The following COG7 variants were observed in gnomAD, a reference collection of about 807,000 sequenced individuals.
COG7 encodes conserved oligomeric Golgi complex subunit 7.
Under a neutral mutation model 91.5 loss-of-function variants are expected in COG7, and 49 were observed. The ratio of observed to expected loss-of-function variants is 0.54; its 90% CI spans 0.43 to 0.68. The LOEUF (loss-of-function observed/expected upper bound fraction) is 0.68. Among genes scored for constraint, COG7 ranks in the 30% least tolerant of loss-of-function variants. The pLI is 0.00. For synonymous variants in COG7, 365 were observed against 388.7 expected (o/e 0.94, Z 0.72); for missense variants, 895 against 961.3 (o/e 0.93, Z 0.91).
intron 4 of COG7, among the ~76,000 whole-genome samples, chr16:23,436,329 T>C (rs1475397533): frequency 6.6e-6 from 1 of 152,218 alleles, no homozygotes; most frequent in African/African-American, 2.4e-5. Flanking sequence ...TCATTGGTTA[T>C]ATAAAATGAA....
chr16:23,389,191 C>T (rs1963147390), intron 16 of COG7, 105 bp from the exon 17 acceptor site: 1 of 1,379,976 alleles, frequency 7.2e-7, no homozygotes, highest in Non-Finnish European at 1.0e-6. Context: ...AGCTGCCCTG[C>T]CAAGTCCCTA....
intron 1 of COG7, among the ~76,000 whole-genome samples, chr16:23,451,548 T>TA (rs377095036): frequency 3.3e-5 from 5 of 151,524 alleles, no homozygotes; most frequent in East Asian, 1.9e-4. Flanking sequence ...ACCTTGTCTC[T>TA]AAAAAAAAAT....
At chr16:23,430,539 C>T (rs1386524044) in intron 6 of COG7, among the ~76,000 whole-genome samples, 2 of 151,218 alleles carry the variant, frequency 1.3e-5, no homozygotes, top group African/African-American at 4.9e-5. Flanking sequence ...AAGTTTGCAA[C>T]TTACTCTGTT....
intron 14 of COG7, among the ~76,000 whole-genome samples, chr16:23,395,189 A>C (rs956862384): frequency 6.6e-6 from 1 of 152,206 alleles, no homozygotes; most frequent in Non-Finnish European, 1.5e-5. Flanking sequence ...TCTTTCACCC[A>C]AAGTAAGCAA....
In COG7 at chr16:23,452,926, G is replaced by C. The variant is rs369785066; in HGVS notation, c.69C>G (p.Ala23=). The change falls in exon 1 of 17, where the codon GCC becomes GCG. Residue 23 remains alanine, a synonymous_variant. Transcript: ENST00000307149. The stretch of plus-strand genomic sequence containing the variant: ...TCCCGGACGCCGCCTCCTTGGAGCC[G>C]GCCCTGAAGGCCGCATTGATCCACT... The part of the protein sequence containing the change: ...VKEWINAAFR[A]GSKEAASGKA... 19 of 1,614,082 alleles carry C rather than the reference G, an allele frequency of 1.2e-5. 1 individual carries two copies. In the South Asian group the frequency reaches 2.0e-4, roughly 17 times the overall value.
intron 3 of COG7, 23 bp downstream of exon 3, chr16:23,445,025 C>T (rs765911853): frequency 1.3e-6 from 2 of 1,531,268 alleles, no homozygotes; most frequent in East Asian, 4.5e-5. Flanking sequence ...CCTTTCATAA[C>T]ATCCCCTAAA....
intron 9 of COG7, chr16:23,414,705 C>T (rs527404311): frequency 6.6e-6 from 1 of 152,240 alleles, no homozygotes; most frequent in Non-Finnish European, 1.5e-5. Context: ...GTCTGTGCCT[C>T]ATACTTATAT....
At chr16:23,448,486 T>C (rs551702715) in intron 1 of COG7, among the ~76,000 whole-genome samples, 19 of 152,276 alleles carry the variant, frequency 1.2e-4, no homozygotes, top group Non-Finnish European at 2.1e-4. Context: ...TTTGTAGAGA[T>C]AGGGTCTTGC....
intron 14 of COG7, 109 bp from the exon 15 acceptor site, chr16:23,393,456 C>T (rs572813834): frequency 1.3e-4 from 101 of 779,360 alleles, no homozygotes; most frequent in African/African-American, 1.1e-3. Context: ...TGCTAGACCT[C>T]GGGTGATCCC....
chr16:23,442,333 CAA>C lies in COG7; in HGVS notation c.604+142_604+143del, dbSNP rs57747474. 47,387 of 530,464 alleles carry C rather than the reference CAA, an allele frequency of 0.089. 735 individuals are homozygous for C. Among genetic ancestry groups the C allele is most frequent in the African/African-American group, 0.23 (9,271 of 40,146 alleles). 32.9% of individuals were successfully genotyped at this position (530,464 alleles called of 1,614,324 possible). A position where few individuals can be genotyped will look rare whatever the true frequency, so the allele number is the denominator to read the frequency against. ...TCGGTGACAGAGAAAGACTCCGTCT[CAA>C]AAAAAAAAAAAAAAAAAATTACAGA... is the stretch of plus-strand genomic sequence containing the variant. On this transcript the variant is annotated intron_variant, in intron 4 of 16. Transcript: ENST00000307149.
intron 14 of COG7, among the ~76,000 whole-genome samples, chr16:23,397,550 T>C (rs1308366029): frequency 6.6e-6 from 1 of 152,226 alleles, no homozygotes; most frequent in Non-Finnish European, 1.5e-5. Context: ...TATTCTGTTC[T>C]CTTTTAATAT....
intron 14 of COG7, 113 bp downstream of exon 14, chr16:23,397,933 C>T (rs937739561): frequency 2.2e-6 from 2 of 906,842 alleles, no homozygotes; most frequent in African/African-American, 1.6e-5. Flanking sequence ...GCACAGGCTA[C>T]CCAAAAGGGT....
chr16:23,427,453 AAC>A (rs1963866704), intron 6 of COG7, among the ~76,000 whole-genome samples: 1 of 151,692 alleles, frequency 6.6e-6, no homozygotes, highest in Admixed American at 6.6e-5. Flanking sequence ...TAGCCTGGGC[AAC>A]AGAGAGAAAC....
At position 23,434,772 on chromosome 16, in the gene COG7, G is replaced by C. The variant is rs1963989096; in HGVS notation, c.605-54C>G. On this transcript the variant is annotated intron_variant, in intron 4 of 16. Transcript: ENST00000307149. ...TTACCAGCCTTTCTGGTGTAGACATGAGAAAAAACTCACCAGGATGAAGGT... is the reference window on the plus strand; with the variant it reads ...TTACCAGCCTTTCTGGTGTAGACATCAGAAAAAACTCACCAGGATGAAGGT... 5 of 1,248,312 alleles carry C rather than the reference G, an allele frequency of 4.0e-6. No individual in the cohort carries two copies. In the East Asian group the frequency reaches 1.2e-4, roughly 29 times the overall value. The allele number at this position is 1,248,312 out of a possible 1,614,324, so 77.3% of individuals were successfully genotyped here.
chr16:23,444,966 A>G, intron 3 of COG7, 82 bp downstream of exon 3: 1 of 1,037,050 alleles, frequency 9.6e-7, no homozygotes, highest in Non-Finnish European at 1.5e-6. Context: ...TTGGCTATCA[A>G]CTTTGTATCT....
At chr16:23,414,788 C>T (rs941818070) in intron 9 of COG7, 1 of 151,668 alleles carries the variant, frequency 6.6e-6, no homozygotes, top group African/African-American at 2.4e-5. Context: ...ACCTGTGCCT[C>T]ATACTTATAT....
chr16:23,433,523 T>G, intron 6 of COG7, 22 bp downstream of exon 6: 1 of 1,613,868 alleles, frequency 6.2e-7, no homozygotes, highest in Non-Finnish European at 8.5e-7. Flanking sequence ...CTGTTCTCCC[T>G]AGAACAAAAA....
chr16:23,437,067 G>C (rs1444421012), intron 4 of COG7, among the ~76,000 whole-genome samples: 2 of 152,146 alleles, frequency 1.3e-5, no homozygotes, highest in Non-Finnish European at 2.9e-5. Flanking sequence ...ATGGGAGGGA[G>C]GGCTGTTTCC....
Position 23,393,283 on chromosome 16 carries a change from G to C in COG7, c.1952C>G (p.Ala651Gly). The C allele has an allele frequency of 1.2e-6, 2 of 1,614,126 alleles. No homozygotes were observed. Among genetic ancestry groups the C allele is most frequent in the Non-Finnish European group, 1.7e-6 (2 of 1,180,012 alleles). The change falls in exon 15 of 17, where the codon GCC becomes GGC. Residue 651 changes from alanine (A) to glycine (G), a missense_variant. Physicochemically the swap from Ala to Gly is moderately conservative, Grantham distance 60. Transcript: ENST00000307149. ...LEPFVTQEDS[A>G]LELALHAGKL... is the part of the protein sequence containing the mutation. ...TCCAGCGTGCAATGCCAACTCTAAG[G>C]CAGAGTCCTCCTGAGTCACAAATGG... is the stretch of plus-strand genomic sequence containing the variant.
Sources: allele counts gnomAD v4.1 joint callset (sites outside exome capture counted in the v4.1 genomes callset), GRCh38; gene constraint gnomAD v4.1.1; transcripts MANE v1.5; gene names NCBI Gene and HGNC (gene_info 2026-07-23, HGNC 2026-07-21).